WNT3A: variants seen among roughly 807,000 people sequenced by gnomAD.
WNT3A encodes the protein protein Wnt-3a.
In WNT3A, 17 loss-of-function variants were observed where a neutral mutation model predicts 37.0. The ratio of observed to expected loss-of-function variants is 0.46; its 90% CI spans 0.31 to 0.69. WNT3A has a LOEUF of 0.69. WNT3A is among the 30% of genes least tolerant of loss of function. The probability of loss-of-function intolerance (pLI) is 0.05; values close to 1 mark genes in which losing one functional copy is unlikely to be tolerated. For missense variants in WNT3A, 411 were observed against 510.2 expected, an observed-to-expected ratio of 0.81 and a Z score of 1.87; for synonymous variants, 187 against 211.0, an observed-to-expected ratio of 0.89 and a Z score of 0.99.
intron 3 of WNT3A, among the ~76,000 whole-genome samples, chr1:228,055,183 T>A (rs56085930): frequency 0.011 from 282 of 26,424 alleles, 9 homozygotes; most frequent in African/African-American, 0.036. Flanking sequence ...AAAAAAAATA[T>A]ATATATATAT....
chr1:228,043,515 C>G (rs1571809402), intron 2 of WNT3A, among the ~76,000 whole-genome samples: 1 of 152,312 alleles, frequency 6.6e-6, no homozygotes, highest in East Asian at 1.9e-4. Context: ...TTCCCACGGG[C>G]AAGATGCCTC....
intron 1 of WNT3A, among the ~76,000 whole-genome samples, chr1:228,010,099 G>A (rs149667823): frequency 3.3e-5 from 5 of 152,188 alleles, no homozygotes; most frequent in Admixed American, 1.3e-4. Context: ...CTCCCAGCAC[G>A]CCCCTTCTAA....
intron 2 of WNT3A, among the ~76,000 whole-genome samples, chr1:228,027,936 G>T (rs1472706809): frequency 6.6e-6 from 1 of 152,136 alleles, no homozygotes; most frequent in Admixed American, 6.5e-5. Flanking sequence ...GATCCATCTG[G>T]AGTTGATTTT....
intron 2 of WNT3A, among the ~76,000 whole-genome samples, chr1:228,034,928 C>G (rs542623194): frequency 6.6e-6 from 1 of 152,110 alleles, no homozygotes; most frequent in Non-Finnish European, 1.5e-5. Flanking sequence ...GAGCTGGGAC[C>G]CTTGGGGGTC....
intron 3 of WNT3A, among the ~76,000 whole-genome samples, chr1:228,058,163 T>C (rs1253997905): frequency 2.0e-5 from 3 of 152,242 alleles, no homozygotes; most frequent in Non-Finnish European, 2.9e-5. Flanking sequence ...ATCATTTCAA[T>C]AATGTAGTCA....
chr1:228,025,605 T>C (rs2030834775), intron 2 of WNT3A, among the ~76,000 whole-genome samples: 1 of 152,218 alleles, frequency 6.6e-6, no homozygotes, highest in Non-Finnish European at 1.5e-5. Context: ...TGCCCTGGCC[T>C]CCCAAAGTGT....
chr1:228,041,372 T>TATCC (rs1470955014), intron 2 of WNT3A, among the ~76,000 whole-genome samples: 1 of 151,976 alleles, frequency 6.6e-6, no homozygotes, highest in South Asian at 2.1e-4. Flanking sequence ...TCTCCGACTT[T>TATCC]ATCCATCCAT....
At chr1:228,045,544 G>A (rs962704823) in intron 2 of WNT3A, among the ~76,000 whole-genome samples, 1 of 152,206 alleles carries the variant, frequency 6.6e-6, no homozygotes, top group African/African-American at 2.4e-5. Flanking sequence ...GACAAGAACA[G>A]GCGCTCAGGC....
intron 1 of WNT3A, among the ~76,000 whole-genome samples, chr1:228,018,109 C>T (rs1261078166): frequency 1.3e-5 from 2 of 152,268 alleles, no homozygotes; most frequent in East Asian, 1.9e-4. Context: ...TGAGAACTTG[C>T]GCTGAGAACA....
chr1:228,043,979 T>C (rs548055848), intron 2 of WNT3A, among the ~76,000 whole-genome samples: 1 of 152,192 alleles, frequency 6.6e-6, no homozygotes, highest in African/African-American at 2.4e-5. Flanking sequence ...TTATTTATTT[T>C]ATTTTATTAT....
Position 228,051,063 on chromosome 1 carries a change from C to T in WNT3A, c.579+142C>T, listed in dbSNP as rs111525576. 5,406 of 1,120,838 alleles carry T rather than the reference C, an allele frequency of 4.8e-3. 183 individuals carry two copies. In the African/African-American group the frequency reaches 0.076, roughly 16 times the overall value. 69.4% of individuals were successfully genotyped at this position (1,120,838 alleles called of 1,614,324 possible). On this transcript the variant is annotated intron_variant, in intron 3 of 3. Coordinates refer to ENST00000284523, the MANE Select transcript of WNT3A (RefSeq NM_033131.4). ...CTTCTCGACCCCTGCCTGGGGTGTG[C>T]GAAGCTTAGCACCATCCAGCTACAC...
chr1:228,025,477 T>C (rs924302539), intron 2 of WNT3A, among the ~76,000 whole-genome samples: 5 of 152,122 alleles, frequency 3.3e-5, no homozygotes, highest in African/African-American at 1.2e-4. Context: ...GCCTCCCAAG[T>C]AGCAGGGACC....
At chr1:228,058,965 G>A (rs749534983) in intron 3 of WNT3A, 21 bp from the exon 4 acceptor site, 9 of 1,592,878 alleles carry the variant, frequency 5.7e-6, no homozygotes, top group Non-Finnish European at 7.7e-6. Context: ...CCTGACGCTG[G>A]CTCCTGCGCG....
Position 228,038,316 on chromosome 1 carries a change from TCC to T in WNT3A, c.314-12336_314-12335del, listed in dbSNP as rs371942906. 9.3e-4 allele frequency among the ~76,000 whole-genome samples: 141 copies of T among 152,132 alleles called. 2 individuals carry two copies. In the East Asian group the frequency reaches 0.015, roughly 16 times the overall value. ...GGCGGGGACCGGGGCGCGGGCTGAG[TCC>T]CCCTGTGTGCCCCACAGCAAAGGGT... is the stretch of plus-strand genomic sequence containing the variant. On this transcript the variant is annotated intron_variant, in intron 2 of 3. Coordinates refer to ENST00000284523, the MANE Select transcript of WNT3A (RefSeq NM_033131.4). This position sits in a 1 kb window ranked among gnomAD's most constrained non-coding sequence, Gnocchi z 5.7.
chr1:228,059,616 ACTC>A lies in WNT3A; in HGVS notation c.*154_*156del. 7.3e-7 allele frequency: 1 copy of A among 1,375,068 alleles called. No homozygotes were observed. 85.2% of individuals were successfully genotyped at this position (1,375,068 alleles called of 1,614,324 possible). A position where few individuals can be genotyped will look rare whatever the true frequency, so the allele number is the denominator to read the frequency against. On this transcript the variant is annotated 3_prime_UTR_variant, in exon 4 of 4. Coordinates refer to ENST00000284523, the MANE Select transcript of WNT3A (RefSeq NM_033131.4). ...GGTGGGGCTCCTACCTGGGGGCAGA[ACTC>A]CTACCTGAAGGCAGGGCTCCTCCCT...
chr1:228,016,574 C>T (rs34658204), intron 1 of WNT3A, among the ~76,000 whole-genome samples: 10,172 of 152,248 alleles, frequency 0.067, 928 homozygotes, highest in African/African-American at 0.21. Flanking sequence ...GTCTGTGTGA[C>T]TTGCGCCATT....
rs573065367 is a variant in WNT3A at position 228,025,211 on chromosome 1, G to T, written c.313+2303G>T. Reference sequence around the variant, plus strand: ...TTCCATTTGTGCAAAAAAAAATGCTGCTGGGATTTTCATGGGGATTTCACT... The same window carrying T: ...TTCCATTTGTGCAAAAAAAAATGCTTCTGGGATTTTCATGGGGATTTCACT... On this transcript the variant is annotated intron_variant, in intron 2 of 3. Transcript: ENST00000284523. 2.6e-5 allele frequency among the ~76,000 whole-genome samples: 4 copies of T among 152,286 alleles called. No homozygotes were observed. The South Asian group carries it at 8.3e-4, about 32-fold the overall frequency.
chr1:228,040,984 T>A (rs2031270095), intron 2 of WNT3A, among the ~76,000 whole-genome samples: 1 of 146,512 alleles, frequency 6.8e-6, no homozygotes, highest in Non-Finnish European at 1.5e-5. Context: ...TATATATATA[T>A]ATATATATAT....
chr1:228,025,531 T>C (rs1411806888), intron 2 of WNT3A, among the ~76,000 whole-genome samples: 1 of 152,170 alleles, frequency 6.6e-6, no homozygotes, highest in African/African-American at 2.4e-5. Context: ...GTATTTTTTG[T>C]AGAGATGGGA....
Sources: gnomAD v4.1 joint callset for allele counts (sites outside exome capture counted in the v4.1 genomes callset) on GRCh38, gnomAD v4.1.1 for gene constraint, Gnocchi (gnomAD v3.1) non-coding constraint, MANE v1.5 for transcripts, NCBI Gene and HGNC (gene_info 2026-07-23, HGNC 2026-07-21) for gene names.